CACNB4: variants seen among roughly 807,000 people sequenced by gnomAD.
CACNB4 encodes calcium voltage-gated channel auxiliary subunit beta 4, also known as voltage-dependent L-type calcium channel subunit beta-4.
A neutral mutation model predicts 71.2 loss-of-function variants in CACNB4; 32 were observed. The ratio of observed to expected loss-of-function variants is 0.45; its 90% CI spans 0.34 to 0.60. CACNB4 has a LOEUF of 0.60. Ranked by LOEUF, CACNB4 falls within the 20% of genes least tolerant of loss-of-function variation. CACNB4 has a pLI of 0.01. For missense variants in CACNB4, 464 were observed against 647.9 expected (o/e 0.72, Z 3.08); for synonymous variants, 231 against 236.9 (o/e 0.97, Z 0.23).
intron 10 of CACNB4, chr2:151,858,834 A>T (rs150190068): frequency 9.8e-5 from 15 of 152,340 alleles, no homozygotes; most frequent in African/African-American, 3.1e-4. Flanking sequence ...TGCCTTGAAG[A>T]ACCAGCTCAA....
At chr2:151,878,179 G>A (rs1028211) in intron 4 of CACNB4, among the ~76,000 whole-genome samples, 15,100 of 151,828 alleles carry the variant, frequency 0.099, 1,565 homozygotes, top group East Asian at 0.56. Context: ...ATAGAAAAGC[G>A]AAATTTATAT....
intron 2 of CACNB4, among the ~76,000 whole-genome samples, chr2:151,945,913 G>A (rs73001835): frequency 0.092 from 13,943 of 150,750 alleles, 2,121 homozygotes; most frequent in African/African-American, 0.32. Context: ...GTGTGTGTGC[G>A]CGTGTGTGTA....
intron 2 of CACNB4, among the ~76,000 whole-genome samples, chr2:151,962,116 G>A (rs2099869824): frequency 6.6e-6 from 1 of 152,136 alleles, no homozygotes; most frequent in African/African-American, 2.4e-5. Flanking sequence ...TCAGAGTAAG[G>A]GAGACTAAGA....
At chr2:151,924,753 G>C (rs1386117231) in intron 2 of CACNB4, among the ~76,000 whole-genome samples, 3 of 152,178 alleles carry the variant, frequency 2.0e-5, no homozygotes, top group Non-Finnish European at 2.9e-5. Context: ...TGGAATGCCA[G>C]ACTGGCATTT....
intron 2 of CACNB4, chr2:151,969,269 A>T (rs1364449648): frequency 6.6e-6 from 1 of 152,234 alleles, no homozygotes; most frequent in East Asian, 1.9e-4. Context: ...AGATGCTCTG[A>T]TCCACCAAAC....
chr2:151,841,844 G>A, intron 13 of CACNB4, 59 bp downstream of exon 13: 1 of 1,461,308 alleles, frequency 6.8e-7, no homozygotes, highest in African/African-American at 1.4e-5. Context: ...TCCTAATCAA[G>A]TTCCCATAGA....
chr2:151,974,291 C>T (rs761177844), intron 2 of CACNB4, among the ~76,000 whole-genome samples: 2 of 152,088 alleles, frequency 1.3e-5, no homozygotes, highest in East Asian at 3.9e-4. Flanking sequence ...TAAACAGATA[C>T]TAATCTCATC....
chr2:151,843,727 A>G (rs1215348582), intron 12 of CACNB4, among the ~76,000 whole-genome samples: 1 of 152,206 alleles, frequency 6.6e-6, no homozygotes, highest in East Asian at 1.9e-4. Context: ...AGACAGGGTC[A>G]CTGCCATCGG....
In CACNB4 at chr2:152,076,321, T is replaced by G. The variant is rs866070354; in HGVS notation, c.147+22009A>C. On this transcript the variant is annotated intron_variant, in intron 2 of 13. Transcript: ENST00000539935. ...CACACCTGGCTAATTTTTTGGGTTT[T>G]TTTTTTTTTTTTTGTATTTTTTTGT... is the stretch of plus-strand genomic sequence containing the variant. Among the ~76,000 whole-genome samples, 19 of 149,728 alleles carry G rather than the reference T, an allele frequency of 1.3e-4. No individual in the cohort carries two copies. In the South Asian group the frequency reaches 3.0e-3, roughly 23 times the overall value.
In CACNB4 at chr2:151,860,704, A is replaced by G; in HGVS notation, c.868+7T>C. On this transcript the variant is annotated splice_region_variant and intron_variant, in intron 10 of 13. Coordinates refer to ENST00000539935, the MANE Select transcript of CACNB4 (RefSeq NM_000726.5). ...GCTTGAAGAAGTACCACATTTGAAC[A>G]TCTTACCTAAGCTGGACCGGGTGTT... 6.3e-7 allele frequency: 1 copy of G among 1,587,076 alleles called. No individual in the cohort carries two copies. The highest frequency in any genetic ancestry group is 1.1e-5 in the South Asian group (1 of 90,594).
intron 2 of CACNB4, among the ~76,000 whole-genome samples, chr2:151,904,575 C>A (rs2099854302): frequency 6.6e-6 from 1 of 151,078 alleles, no homozygotes; most frequent in Admixed American, 6.6e-5. Flanking sequence ...CTCACTGTTG[C>A]CCAGGCTAGA....
intron 2 of CACNB4, among the ~76,000 whole-genome samples, chr2:151,976,760 A>G (rs1259420272): frequency 6.6e-6 from 1 of 152,216 alleles, no homozygotes; most frequent in Non-Finnish European, 1.5e-5. Context: ...AGAACTGACT[A>G]TCTCTGCCCC....
At chr2:151,964,087 A>AAAAAAAAT (rs1291914342) in intron 2 of CACNB4, among the ~76,000 whole-genome samples, 8 of 151,000 alleles carry the variant, frequency 5.3e-5, no homozygotes, top group African/African-American at 1.7e-4. Flanking sequence ...AAAAAAAAAA[A>AAAAAAAAT]AAAGAATGTT....
chr2:152,052,926 G>A (rs902851987), intron 2 of CACNB4, among the ~76,000 whole-genome samples: 15 of 151,824 alleles, frequency 9.9e-5, no homozygotes, highest in Non-Finnish European at 2.1e-4. Flanking sequence ...AGGTTGCAGT[G>A]AGCCGAGATC....
chr2:151,884,727 G>T (rs957453641), intron 2 of CACNB4, among the ~76,000 whole-genome samples: 1 of 149,344 alleles, frequency 6.7e-6, no homozygotes, highest in Non-Finnish European at 1.5e-5. Context: ...CTCCCCCACC[G>T]CAAAAAACCC....
chr2:151,899,204 A>T (rs1004593517), intron 2 of CACNB4, among the ~76,000 whole-genome samples: 1 of 152,240 alleles, frequency 6.6e-6, no homozygotes, highest in African/African-American at 2.4e-5. Context: ...CGAGTTCAAG[A>T]AATTCACACT....
intron 2 of CACNB4, among the ~76,000 whole-genome samples, chr2:152,021,379 T>A (rs1683658531): frequency 6.6e-6 from 1 of 152,168 alleles, no homozygotes; most frequent in African/African-American, 2.4e-5. Context: ...AAATTATAGG[T>A]CAGATACTCA....
chr2:152,083,804 G>C (rs1687499684), intron 2 of CACNB4, among the ~76,000 whole-genome samples: 1 of 152,112 alleles, frequency 6.6e-6, no homozygotes, highest in Admixed American at 6.5e-5. Flanking sequence ...TTCCCTTTCT[G>C]AAAGCATCTT....
At chr2:151,962,151 C>T (rs2099869830) in intron 2 of CACNB4, among the ~76,000 whole-genome samples, 1 of 152,184 alleles carries the variant, frequency 6.6e-6, no homozygotes, top group African/African-American at 2.4e-5. Context: ...CTCTGGCTTC[C>T]TCCTTGTGGG....
Sources: gnomAD v4.1 joint callset for allele counts (sites outside exome capture counted in the v4.1 genomes callset) on GRCh38, gnomAD v4.1.1 for gene constraint, MANE v1.5 for transcripts, NCBI Gene and HGNC (gene_info 2026-07-23, HGNC 2026-07-21) for gene names.